The following PDE4D variants were observed in gnomAD, a reference collection of about 807,000 sequenced individuals.
PDE4D encodes 3',5'-cyclic-AMP phosphodiesterase 4D.
PDE4D carries 24 observed loss-of-function variants against 87.4 expected under a neutral mutation model. The ratio of observed to expected loss-of-function variants is 0.27; its 90% CI spans 0.20 to 0.39. PDE4D has a LOEUF of 0.39. Ranked by LOEUF, PDE4D falls within the 10% of genes least tolerant of loss-of-function variation. PDE4D has a pLI of 1.00. For missense variants in PDE4D, 714 were observed against 1,041.0 expected (o/e 0.69, Z 4.32); for synonymous variants, 384 against 383.2 (o/e 1.00, Z -0.02).
At chr5:60,369,530 A>G (rs957489797) in intron 1 of PDE4D, among the ~76,000 whole-genome samples, 23 of 152,156 alleles carry the variant, frequency 1.5e-4, no homozygotes, top group African/African-American at 5.6e-4. Flanking sequence ...ACCAAGGCAG[A>G]GAGAGGCGGG....
chr5:59,664,241 C>T (rs576374060), intron 1 of PDE4D, among the ~76,000 whole-genome samples: 6 of 152,162 alleles, frequency 3.9e-5, no homozygotes, highest in African/African-American at 9.6e-5. Context: ...TGTTTATTGA[C>T]GTTTTTGTGG....
At chr5:60,070,966 C>A (rs1003167879) in intron 2 of PDE4D, among the ~76,000 whole-genome samples, 1 of 151,954 alleles carries the variant, frequency 6.6e-6, no homozygotes, top group Non-Finnish European at 1.5e-5. Context: ...TTTGTTGGCA[C>A]ATAATTGTTC....
chr5:59,692,580 C>T (rs1031249974), intron 1 of PDE4D, among the ~76,000 whole-genome samples: 1 of 152,084 alleles, frequency 6.6e-6, no homozygotes, highest in African/African-American at 2.4e-5. Flanking sequence ...AATGTGTTTC[C>T]TCTGCAATCT....
Position 60,425,577 on chromosome 5 carries a change from A to G in PDE4D, c.-90+62365T>C, listed in dbSNP as rs565891935. Among the ~76,000 whole-genome samples, 7 of 123,146 alleles carry G rather than the reference A, an allele frequency of 5.7e-5. No individual in the cohort carries two copies. The South Asian group carries it at 2.2e-3, about 39-fold the overall frequency. 80.8% of individuals were successfully genotyped at this position (123,146 alleles called of 152,430 possible). On this transcript the variant is annotated intron_variant, in intron 1 of 16. Transcript: ENST00000502484. The stretch of plus-strand genomic sequence containing the variant: ...AAATGTTAGACATAAAACCATAAAA[A>G]CCCTAGAAGAAACCTAGGCAATACC...
chr5:60,006,305 A>C (rs1484140790), intron 2 of PDE4D, among the ~76,000 whole-genome samples: 1 of 145,114 alleles, frequency 6.9e-6, no homozygotes, highest in African/African-American at 2.7e-5. Flanking sequence ...TTTCGCGCCA[A>C]CCAATTACTA....
chr5:59,173,763 T>C (rs966780863), intron 5 of PDE4D, among the ~76,000 whole-genome samples: 8 of 152,316 alleles, frequency 5.3e-5, no homozygotes, highest in African/African-American at 1.9e-4. Context: ...GATGAGGAAG[T>C]AGGGCTTCTC....
At chr5:60,262,009 C>T (rs763554471) in intron 1 of PDE4D, among the ~76,000 whole-genome samples, 29 of 152,072 alleles carry the variant, frequency 1.9e-4, no homozygotes, top group Non-Finnish European at 3.7e-4. Context: ...AACTTACCCC[C>T]AAGTCTTTCT....
chr5:60,410,248 G>T (rs1324725903), intron 1 of PDE4D, among the ~76,000 whole-genome samples: 1 of 152,090 alleles, frequency 6.6e-6, no homozygotes, highest in Non-Finnish European at 1.5e-5. Flanking sequence ...CAGAGGCATT[G>T]GTCTCTGTTC....
intron 3 of PDE4D, among the ~76,000 whole-genome samples, chr5:59,925,926 TCAA>T: frequency 6.6e-6 from 1 of 152,236 alleles, no homozygotes; most frequent in South Asian, 2.1e-4. Context: ...GCTGGAGAGT[TCAA>T]CACTCCACTT....
At chr5:59,332,321 G>T (rs952675490) in intron 1 of PDE4D, among the ~76,000 whole-genome samples, 11 of 151,966 alleles carry the variant, frequency 7.2e-5, no homozygotes, top group African/African-American at 2.7e-4. Flanking sequence ...TGAATTTTTG[G>T]TGACATTTTT....
intron 2 of PDE4D, among the ~76,000 whole-genome samples, chr5:60,093,775 G>A (rs888308860): frequency 4.6e-5 from 6 of 131,556 alleles, no homozygotes; most frequent in African/African-American, 8.6e-5. Flanking sequence ...TTTTAACTGG[G>A]CAAATGTAAA....
chr5:59,917,245 C>T (rs1435970964), intron 3 of PDE4D, among the ~76,000 whole-genome samples: 1 of 152,104 alleles, frequency 6.6e-6, no homozygotes, highest in African/African-American at 2.4e-5. Context: ...AAAACAAAGT[C>T]ACAGGCTTGA....
intron 1 of PDE4D, among the ~76,000 whole-genome samples, chr5:60,195,994 AC>A: frequency 6.6e-6 from 1 of 151,742 alleles, no homozygotes; most frequent in Non-Finnish European, 1.5e-5. Flanking sequence ...AGAATTCCAC[AC>A]CTATAAAGTA....
chr5:59,078,477 T>C (rs1180450089), intron 5 of PDE4D, among the ~76,000 whole-genome samples: 2 of 151,994 alleles, frequency 1.3e-5, no homozygotes, highest in Non-Finnish European at 2.9e-5. Flanking sequence ...TGAAGTTTAA[T>C]TGCCATTGTA....
intron 1 of PDE4D, among the ~76,000 whole-genome samples, chr5:59,829,256 CT>C (rs1290313496): frequency 2.6e-5 from 4 of 151,788 alleles, no homozygotes; most frequent in African/African-American, 9.7e-5. Context: ...AGAATAGATA[CT>C]TTTTTTGGTT....
rs140600903 is a variant in PDE4D, at chr5:60,150,298, A to C, written c.42+35259T>G. Among the ~76,000 whole-genome samples the C allele has an allele frequency of 9.4e-4, 143 of 152,104 alleles. 1 individual carries two copies. Among genetic ancestry groups the C allele is most frequent in the African/African-American group, 3.3e-3 (139 of 41,522 alleles). ...GTTCTTAGCTGGGCAAACTAGGCTCAGTCTCTGGTCTGTTACCTCATCAGT... is the reference window on the plus strand; with the variant it reads ...GTTCTTAGCTGGGCAAACTAGGCTCCGTCTCTGGTCTGTTACCTCATCAGT... On this transcript the variant is annotated intron_variant, in intron 2 of 16. Transcript: ENST00000502484.
chr5:59,892,909 C>T (rs1394326595), intron 1 of PDE4D, among the ~76,000 whole-genome samples: 1 of 150,932 alleles, frequency 6.6e-6, no homozygotes, highest in African/African-American at 2.4e-5. Context: ...CACACACACA[C>T]ACACACACAC....
At chr5:60,004,652 T>C (rs186671255) in intron 2 of PDE4D, among the ~76,000 whole-genome samples, 14 of 152,196 alleles carry the variant, frequency 9.2e-5, no homozygotes, top group African/African-American at 2.4e-4. Context: ...ATTTTAAAAA[T>C]AGGCAAGGGA....
intron 5 of PDE4D, among the ~76,000 whole-genome samples, chr5:59,102,805 A>G (rs1770986087): frequency 6.6e-6 from 1 of 152,180 alleles, no homozygotes; most frequent in African/African-American, 2.4e-5. Context: ...TGTTTTAACA[A>G]GGGCATGGGT....
Sources: gnomAD v4.1 joint callset for allele counts (sites outside exome capture counted in the v4.1 genomes callset) on GRCh38, gnomAD v4.1.1 for gene constraint, MANE v1.5 for transcripts, NCBI Gene and HGNC (gene_info 2026-07-23, HGNC 2026-07-21) for gene names.